The following XIRP2 variants were observed in gnomAD, a reference collection of about 807,000 sequenced individuals.
XIRP2 encodes xin actin-binding repeat-containing protein 2.
In XIRP2, 236 loss-of-function variants were observed where a neutral mutation model predicts 277.0. The ratio of observed to expected loss-of-function variants is 0.85; its 90% CI spans 0.77 to 0.95. XIRP2 has a LOEUF of 0.95. XIRP2 is among the 40% of genes least tolerant of loss of function. The probability of loss-of-function intolerance (pLI) is 0.00; values close to 1 mark genes in which losing one functional copy is unlikely to be tolerated. For synonymous variants in XIRP2, 1,490 were observed against 1,416.5 expected (o/e 1.05, Z -1.17); for missense variants, 4,640 against 4,157.5 (o/e 1.12, Z -3.19).
chr2:167,031,820 A>G (rs1476872156), intron 2 of XIRP2, among the ~76,000 whole-genome samples: 3 of 152,130 alleles, frequency 2.0e-5, no homozygotes, highest in African/African-American at 4.8e-5. Context: ...AAACAAATGG[A>G]AAAAAATTCC....
chr2:166,963,058 C>A (rs1393670422), intron 2 of XIRP2, among the ~76,000 whole-genome samples: 4 of 151,544 alleles, frequency 2.6e-5, no homozygotes, highest in African/African-American at 9.7e-5. Context: ...TACAAATATA[C>A]TAATTACCTT....
At chr2:167,135,689 A>C (rs1691524236) in intron 2 of XIRP2, among the ~76,000 whole-genome samples, 1 of 152,148 alleles carries the variant, frequency 6.6e-6, no homozygotes, top group South Asian at 2.1e-4. Flanking sequence ...AGGAAGGCTA[A>C]TTCAGAAGTG....
In XIRP2 at chr2:167,259,447, C is replaced by G; in HGVS notation, c.*1630C>G. ...ATAAGATTTTATGAATTTGGATACC[C>G]TTTTGAGGAACTTGATGTAAACATG... On this transcript the variant is annotated 3_prime_UTR_variant, in exon 11 of 11. Transcript: ENST00000409195. The G allele has an allele frequency of 7.4e-7, 1 of 1,356,488 alleles. No individual in the cohort carries two copies. The highest frequency in any genetic ancestry group is 9.9e-7 in the Non-Finnish European group (1 of 1,012,978). 84.0% of individuals were successfully genotyped at this position (1,356,488 alleles called of 1,614,324 possible).
rs201155085 is a variant in XIRP2, at chr2:167,025,201, G to T, written c.409-110708G>T. Among the ~76,000 whole-genome samples the T allele has an allele frequency of 9.7e-4, 147 of 152,280 alleles. 2 individuals are homozygous for T. The East Asian group carries it at 0.027, about 28-fold the overall frequency. On this transcript the variant is annotated intron_variant, in intron 2 of 10. Coordinates refer to ENST00000409195, the MANE Select transcript of XIRP2 (RefSeq NM_152381.6). ...GTGTTGGGAGGGTGTATGTGTCGAGGAATTTATCCATTTCTTCTAGATTTT... is the reference window on the plus strand; with the variant it reads ...GTGTTGGGAGGGTGTATGTGTCGAGTAATTTATCCATTTCTTCTAGATTTT...
chr2:167,113,713 G>T (rs1234391582), intron 2 of XIRP2, among the ~76,000 whole-genome samples: 1 of 152,112 alleles, frequency 6.6e-6, no homozygotes, highest in Non-Finnish European at 1.5e-5. Context: ...AGACTTGTTT[G>T]TGTGGTTATT....
At chr2:167,070,451 G>C (rs1689409377) in intron 2 of XIRP2, among the ~76,000 whole-genome samples, 1 of 152,020 alleles carries the variant, frequency 6.6e-6, no homozygotes, top group Non-Finnish European at 1.5e-5. Context: ...TCAGCCACAT[G>C]GAACCAGATA....
chr2:167,031,464 G>T (rs901861516), intron 2 of XIRP2, among the ~76,000 whole-genome samples: 1 of 151,882 alleles, frequency 6.6e-6, no homozygotes, highest in Non-Finnish European at 1.5e-5. Context: ...GCTTAGTTTC[G>T]CTGGATATGA....
chr2:167,022,714 C>T (rs1488993551), intron 2 of XIRP2, among the ~76,000 whole-genome samples: 1 of 151,928 alleles, frequency 6.6e-6, no homozygotes, highest in East Asian at 1.9e-4. Context: ...GTTTTTTGTC[C>T]TTGCGGTAGT....
At chr2:166,981,115 A>G (rs1208510777) in intron 2 of XIRP2, among the ~76,000 whole-genome samples, 3 of 151,768 alleles carry the variant, frequency 2.0e-5, no homozygotes, top group Non-Finnish European at 4.4e-5. Context: ...GTGTAGAACT[A>G]TTTGCTTTAA....
chr2:167,255,812 G>T (rs979984803), intron 10 of XIRP2, among the ~76,000 whole-genome samples: 1 of 151,736 alleles, frequency 6.6e-6, no homozygotes, highest in African/African-American at 2.4e-5. Flanking sequence ...ACTCTTCATG[G>T]AAACAATATT....
At chr2:167,150,422 A>G (rs1345246574) in intron 3 of XIRP2, among the ~76,000 whole-genome samples, 4 of 152,096 alleles carry the variant, frequency 2.6e-5, no homozygotes, top group Non-Finnish European at 5.9e-5. Context: ...AAGAAATACT[A>G]TACATGAGTA....
In XIRP2 at chr2:167,251,103, A is replaced by C. The variant is rs758166450; in HGVS notation, c.9711A>C (p.Thr3237=). The C allele has an allele frequency of 1.2e-6, 2 of 1,613,594 alleles. No homozygotes were observed. Among genetic ancestry groups the C allele is most frequent in the Non-Finnish European group, 1.7e-6 (2 of 1,179,736 alleles). The part of the protein sequence containing the change: ...IETRGRDSPP[T]ITIPVNINHA... ...CTCGTGGTAGGGACTCTCCACCTAC[A>C]ATCACAATACCAGTAAATATAAATC... Residue 3237 remains threonine, a synonymous_variant, in exon 9 of 11, where the codon ACA becomes ACC. Coordinates refer to ENST00000409195, the MANE Select transcript of XIRP2 (RefSeq NM_152381.6).
chr2:167,134,291 G>GTA lies in XIRP2; in HGVS notation c.409-1608_409-1607dup, dbSNP rs1242582266. On this transcript the variant is annotated intron_variant, in intron 2 of 10. Transcript: ENST00000409195. ...ATATACTTATGTACATGTGATATAT[G>GTA]TATATATATATTTACGTGTGTGTAT... Among the ~76,000 whole-genome samples, 6 of 150,464 alleles carry GTA rather than the reference G, an allele frequency of 4.0e-5. No homozygotes were observed. In the East Asian group the frequency reaches 5.8e-4, roughly 15 times the overall value.
At chr2:167,155,632 C>T (rs1692172069) in intron 3 of XIRP2, among the ~76,000 whole-genome samples, 1 of 152,022 alleles carries the variant, frequency 6.6e-6, no homozygotes, top group Admixed American at 6.6e-5. Context: ...AAACCCACAG[C>T]CAATATCATA....
At chr2:167,205,959 A>G (rs1488074458) in intron 3 of XIRP2, among the ~76,000 whole-genome samples, 1 of 152,054 alleles carries the variant, frequency 6.6e-6, no homozygotes, top group Non-Finnish European at 1.5e-5. Flanking sequence ...TTGCCCTCTC[A>G]CATGGTTATC....
At chr2:167,051,057 T>C (rs573870928) in intron 2 of XIRP2, among the ~76,000 whole-genome samples, 1 of 152,108 alleles carries the variant, frequency 6.6e-6, no homozygotes, top group South Asian at 2.1e-4. Flanking sequence ...GGAAAACATC[T>C]AGTGCTCACC....
At chr2:166,927,376 A>G (rs568828424) in intron 2 of XIRP2, among the ~76,000 whole-genome samples, 2 of 152,282 alleles carry the variant, frequency 1.3e-5, no homozygotes, top group Non-Finnish European at 2.9e-5. Context: ...AAAGTCCTAC[A>G]TGAATCTCAC....
intron 3 of XIRP2, among the ~76,000 whole-genome samples, chr2:167,173,776 C>T (rs1313239514): frequency 6.6e-6 from 1 of 152,170 alleles, no homozygotes; most frequent in Non-Finnish European, 1.5e-5. Context: ...CTTTTCTCCA[C>T]AACCTCACCA....
intron 2 of XIRP2, among the ~76,000 whole-genome samples, chr2:167,011,786 C>G (rs1319493405): frequency 5.3e-5 from 8 of 151,980 alleles, no homozygotes; most frequent in Non-Finnish European, 1.0e-4. Context: ...CAACTTCTTC[C>G]TGGTTTAGTG....
Sources: allele counts gnomAD v4.1 joint callset (sites outside exome capture counted in the v4.1 genomes callset), GRCh38; gene constraint gnomAD v4.1.1; transcripts MANE v1.5; gene names NCBI Gene and HGNC (gene_info 2026-07-23, HGNC 2026-07-21).